PRKAR2B: variants seen among roughly 807,000 people sequenced by gnomAD.
PRKAR2B encodes cAMP-dependent protein kinase type II-beta regulatory subunit.
PRKAR2B carries 14 observed loss-of-function variants against 49.9 expected under a neutral mutation model. The ratio of observed to expected loss-of-function variants is 0.28; its 90% CI spans 0.19 to 0.44. PRKAR2B has a LOEUF of 0.44. PRKAR2B is among the 20% of genes least tolerant of loss of function. The pLI is 1.00. For missense variants in PRKAR2B, 393 were observed against 537.9 expected, an observed-to-expected ratio of 0.73 and a Z score of 2.67; for synonymous variants, 196 against 197.7, an observed-to-expected ratio of 0.99 and a Z score of 0.07.
intron 1 of PRKAR2B, among the ~76,000 whole-genome samples, chr7:107,046,202 TC>T (rs1793691012): frequency 6.6e-6 from 1 of 152,148 alleles, no homozygotes; most frequent in African/African-American, 2.4e-5. Context: ...TGCCCAAATC[TC>T]ATTTTTATGG....
At chr7:107,136,777 T>C (rs1795708836) in intron 4 of PRKAR2B, among the ~76,000 whole-genome samples, 1 of 152,222 alleles carries the variant, frequency 6.6e-6, no homozygotes, top group Admixed American at 6.5e-5. Flanking sequence ...AAACATACTC[T>C]TACCATCCTC....
Position 107,107,771 on chromosome 7 carries a change from C to T in PRKAR2B, c.344-14181C>T, listed in dbSNP as rs147728902. On this transcript the variant is annotated intron_variant, in intron 2 of 10. Transcript: ENST00000265717. ...CTCCTGGGTTCAAGCAATTCTCCGG[C>T]CTCAGCCTCCTGAGTAGCTGGGACT... Among the ~76,000 whole-genome samples, 630 of 152,128 alleles carry T rather than the reference C, an allele frequency of 4.1e-3. 4 individuals are homozygous for T. Among genetic ancestry groups the T allele is most frequent in the African/African-American group, 0.013 (559 of 41,498 alleles).
intron 2 of PRKAR2B, among the ~76,000 whole-genome samples, chr7:107,083,438 CT>C (rs1794554354): frequency 6.6e-6 from 1 of 151,968 alleles, no homozygotes; most frequent in Non-Finnish European, 1.5e-5. Flanking sequence ...GTGTCGAGTG[CT>C]GTTTCTCAAC....
chr7:107,143,764 T>C (rs6969719), intron 5 of PRKAR2B, among the ~76,000 whole-genome samples: 56,349 of 152,056 alleles, frequency 0.37, 12,751 homozygotes, highest in South Asian at 0.5. Context: ...ACAAAATTAC[T>C]CAAAATATTA....
chr7:107,077,804 C>T (rs537823423), intron 2 of PRKAR2B: 1 of 152,306 alleles, frequency 6.6e-6, no homozygotes, highest in Admixed American at 6.5e-5. Flanking sequence ...GTGTGTGTAT[C>T]CTTAGTTACC....
chr7:107,157,857 A>G (rs1052549370), intron 10 of PRKAR2B, among the ~76,000 whole-genome samples: 6 of 152,224 alleles, frequency 3.9e-5, no homozygotes, highest in African/African-American at 1.4e-4. Flanking sequence ...ATCTGTATAT[A>G]TCTGAGATTA....
At chr7:107,078,504 C>G (rs780967578) in intron 2 of PRKAR2B, among the ~76,000 whole-genome samples, 8 of 152,102 alleles carry the variant, frequency 5.3e-5, no homozygotes, top group African/African-American at 7.2e-5. Context: ...TAGGGGGCCT[C>G]CAAGTCACTT....
chr7:107,108,074 A>G (rs566927197), intron 2 of PRKAR2B, among the ~76,000 whole-genome samples: 75 of 152,302 alleles, frequency 4.9e-4, no homozygotes, highest in Non-Finnish European at 8.7e-4. Flanking sequence ...CAGTATGACA[A>G]AGACCAACAA....
At chr7:107,136,762 C>A (rs1405935333) in intron 4 of PRKAR2B, among the ~76,000 whole-genome samples, 1 of 152,186 alleles carries the variant, frequency 6.6e-6, no homozygotes, top group Non-Finnish European at 1.5e-5. Context: ...GTGTCTTTTA[C>A]AACTAAACAT....
In PRKAR2B at chr7:107,159,752, T is replaced by A; in HGVS notation, c.*170T>A. ...TAGTGATTTAATAGTCAATAGGCTT[T>A]AACATCACTTTCTAAAGAGTAGTTC... is the stretch of plus-strand genomic sequence containing the variant. On this transcript the variant is annotated 3_prime_UTR_variant, in exon 11 of 11. Transcript: ENST00000265717. 1 of 557,218 alleles carries A rather than the reference T, an allele frequency of 1.8e-6. No homozygotes were observed. Among genetic ancestry groups the A allele is most frequent in the Non-Finnish European group, 3.0e-6 (1 of 338,262 alleles). The allele number at this position is 557,218 out of a possible 1,614,324, so 34.5% of individuals were successfully genotyped here. A position where few individuals can be genotyped will look rare whatever the true frequency, so the allele number is the denominator to read the frequency against.
At chr7:107,054,933 G>A (rs1793880559) in intron 1 of PRKAR2B, among the ~76,000 whole-genome samples, 1 of 152,002 alleles carries the variant, frequency 6.6e-6, no homozygotes, top group African/African-American at 2.4e-5. Flanking sequence ...TTTAACATTA[G>A]GTATATCTCC....
intron 1 of PRKAR2B, among the ~76,000 whole-genome samples, chr7:107,058,094 T>C (rs990246418): frequency 6.6e-6 from 1 of 152,052 alleles, no homozygotes; most frequent in Admixed American, 6.6e-5. Context: ...GATAAAGCTT[T>C]GCTTTGTTTT....
chr7:107,111,099 C>CT (rs1423988263), intron 2 of PRKAR2B, among the ~76,000 whole-genome samples: 5 of 152,292 alleles, frequency 3.3e-5, no homozygotes. Context: ...GAAGAGCCCT[C>CT]CCTAAGGGAA....
At chr7:107,054,918 C>G (rs1179758636) in intron 1 of PRKAR2B, among the ~76,000 whole-genome samples, 2 of 152,158 alleles carry the variant, frequency 1.3e-5, no homozygotes, top group East Asian at 3.9e-4. Context: ...CCCATTAACT[C>G]TTCATTTAAC....
intron 2 of PRKAR2B, among the ~76,000 whole-genome samples, chr7:107,078,548 T>G (rs1459586613): frequency 1.3e-5 from 2 of 152,192 alleles, no homozygotes; most frequent in East Asian, 1.9e-4. Context: ...CCCACACTAG[T>G]ATTATAATAA....
rs1793662840 is a variant in PRKAR2B at position 107,045,073 on chromosome 7, A to G, written c.166A>G (p.Arg56Gly). Residue 56 changes from arginine (R) to glycine (G), a missense_variant, in exon 1 of 11, where the codon AGG (arginine) becomes GGG (glycine). By Grantham distance (125) the Arg-to-Gly change is moderately radical. Coordinates refer to ENST00000265717, the MANE Select transcript of PRKAR2B (RefSeq NM_002736.3). Reference protein sequence around the residue: ...KGTARFGHEGRTWGDLGAAAG... With the variant: ...KGTARFGHEGGTWGDLGAAAG... Reference sequence around the variant, plus strand: ...CACCGCGCGCTTCGGCCATGAGGGCAGGACCTGGGGGGACCTGGGCGCCGC... The same window carrying G: ...CACCGCGCGCTTCGGCCATGAGGGCGGGACCTGGGGGGACCTGGGCGCCGC... 11 of 1,540,994 alleles carry G rather than the reference A, an allele frequency of 7.1e-6. No individual in the cohort carries two copies. In the East Asian group the frequency reaches 2.4e-4, roughly 34 times the overall value.
chr7:107,144,300 C>A (rs1379887981), intron 5 of PRKAR2B, among the ~76,000 whole-genome samples: 8 of 151,976 alleles, frequency 5.3e-5, no homozygotes, highest in East Asian at 1.9e-4. Flanking sequence ...GTTGGCCAGG[C>A]TGGTCTCAAA....
rs535362108 is a variant in PRKAR2B at position 107,126,541 on chromosome 7, A to G, written c.397-1671A>G. ...TAGGAATTGAATGGGTTGGAGAGAA[A>G]GACATAAAGTTGACCAGAGCGAAGC... On this transcript the variant is annotated intron_variant, in intron 3 of 10. Transcript: ENST00000265717. Among the ~76,000 whole-genome samples, 4 of 152,154 alleles carry G rather than the reference A, an allele frequency of 2.6e-5. No individual in the cohort carries two copies. The South Asian group carries it at 8.3e-4, about 32-fold the overall frequency.
intron 2 of PRKAR2B, among the ~76,000 whole-genome samples, chr7:107,109,914 G>C (rs557963731): frequency 3.3e-5 from 5 of 152,180 alleles, no homozygotes; most frequent in Admixed American, 3.3e-4. Context: ...GGACATTATT[G>C]AACAACTATC....
Sources: allele counts gnomAD v4.1 joint callset (sites outside exome capture counted in the v4.1 genomes callset), GRCh38; gene constraint gnomAD v4.1.1; transcripts MANE v1.5; gene names NCBI Gene and HGNC (gene_info 2026-07-23, HGNC 2026-07-21).